The following PCDHA9 variants were observed in gnomAD, a reference collection of about 807,000 sequenced individuals.
The protein encoded by PCDHA9 is protocadherin alpha 9, also known as protocadherin alpha-9.
Under a neutral mutation model 62.0 loss-of-function variants are expected in PCDHA9, and 62 were observed. The ratio of observed to expected loss-of-function variants is 1.00; its 90% CI spans 0.81 to 1.23. The LOEUF is 1.23. Ranked by LOEUF, PCDHA9 falls within the 50% of genes most tolerant of loss-of-function variation. PCDHA9 has a pLI of 0.00. For synonymous variants in PCDHA9, 557 were observed against 567.6 expected (o/e 0.98, Z 0.27); for missense variants, 1,205 against 1,249.8 (o/e 0.96, Z 0.54).
intron 1 of PCDHA9, among the ~76,000 whole-genome samples, chr5:140,946,338 A>T (rs1042874038): frequency 6.6e-6 from 1 of 151,824 alleles, no homozygotes; most frequent in Non-Finnish European, 1.5e-5. Flanking sequence ...ATAACAAGTG[A>T]TGGAGAGGAT....
intron 1 of PCDHA9, chr5:140,869,097 G>A (rs1344358126): frequency 2.5e-6 from 4 of 1,595,318 alleles, no homozygotes; most frequent in Non-Finnish European, 2.6e-6. Flanking sequence ...AGCCAATTTC[G>A]TATGCGATGT....
At chr5:140,870,001 G>T in intron 1 of PCDHA9, 34 of 1,613,566 alleles carry the variant, frequency 2.1e-5, no homozygotes, top group Non-Finnish European at 2.9e-5. Context: ...AAATAATGGA[G>T]AAGTGAGGGT....
At chr5:140,907,500 G>T (rs2073413620) in intron 1 of PCDHA9, among the ~76,000 whole-genome samples, 1 of 152,228 alleles carries the variant, frequency 6.6e-6, no homozygotes, top group Non-Finnish European at 1.5e-5. Flanking sequence ...TCCAGAGTAA[G>T]TGTCTATTCC....
chr5:141,003,623 G>C (rs572368614), intron 3 of PCDHA9, among the ~76,000 whole-genome samples: 1 of 152,240 alleles, frequency 6.6e-6, no homozygotes, highest in East Asian at 1.9e-4. Flanking sequence ...CCAGAGGGCA[G>C]TTTTTAAAGT....
intron 1 of PCDHA9, chr5:140,857,587 C>T: frequency 1.3e-6 from 2 of 1,596,526 alleles, no homozygotes; most frequent in South Asian, 2.2e-5. Context: ...ACGCGGAGAG[C>T]GGCAAGGTGT....
rs1554145030 is a variant in PCDHA9 at position 140,850,906 on chromosome 5, T to C, written c.2394+17T>C. On this transcript the variant is annotated intron_variant, in intron 1 of 3. Transcript: ENST00000532602. Reference sequence around the variant, plus strand: ...ACTGGGAAGGTGGGTTTTTCTAGCATTTTATTTATTTATATAATTTTTTTT... The same window carrying C: ...ACTGGGAAGGTGGGTTTTTCTAGCACTTTATTTATTTATATAATTTTTTTT... The C allele has an allele frequency of 1.3e-6, 2 of 1,550,722 alleles. 1 individual carries two copies. The highest frequency in any genetic ancestry group is 1.7e-6 in the Non-Finnish European group (2 of 1,145,138).
At chr5:140,862,566 T>G in intron 1 of PCDHA9, 4 of 478,186 alleles carry the variant, frequency 8.4e-6, no homozygotes, top group South Asian at 4.9e-5. Context: ...TGAACCACAA[T>G]GCCCTGGCGT....
In PCDHA9 at chr5:140,949,530, A is replaced by G. The variant is rs535959568; in HGVS notation, c.2395-29419A>G. Among the ~76,000 whole-genome samples, 8 of 151,972 alleles carry G rather than the reference A, an allele frequency of 5.3e-5. No homozygotes were observed. The South Asian group carries it at 1.7e-3, about 31-fold the overall frequency. On this transcript the variant is annotated intron_variant, in intron 1 of 3. Coordinates refer to ENST00000532602, the MANE Select transcript of PCDHA9 (RefSeq NM_031857.2). ...GATTTATTGATCCTTTTATCTTCATAAAATATCGATTTGTTGCTGGTCATA... is the reference window on the plus strand; with the variant it reads ...GATTTATTGATCCTTTTATCTTCATGAAATATCGATTTGTTGCTGGTCATA...
At chr5:140,861,033 G>A (rs1443263351) in intron 1 of PCDHA9, 1 of 152,266 alleles carries the variant, frequency 6.6e-6, no homozygotes, top group Non-Finnish European at 1.5e-5. Flanking sequence ...CCGGCCGAAA[G>A]GTATTTTTTT....
At chr5:140,863,023 G>T (rs782495275) in intron 1 of PCDHA9, 12 of 553,926 alleles carry the variant, frequency 2.2e-5, no homozygotes, top group South Asian at 1.5e-4. Context: ...CCTGGTTGTC[G>T]CAACAGCTGC....
chr5:140,941,185 CTTT>C (rs782102770), intron 1 of PCDHA9, among the ~76,000 whole-genome samples: 1 of 102,176 alleles, frequency 9.8e-6, no homozygotes, highest in Admixed American at 9.9e-5. Flanking sequence ...CATCCTGCTT[CTTT>C]TTTTTTCTTT....
At chr5:140,969,775 G>A (rs879968185) in intron 1 of PCDHA9, among the ~76,000 whole-genome samples, 9 of 152,174 alleles carry the variant, frequency 5.9e-5, no homozygotes, top group Admixed American at 5.9e-4. Flanking sequence ...GCCTCTAGGG[G>A]CTATCATAGT....
At chr5:140,935,908 T>TG (rs2090628873) in intron 1 of PCDHA9, among the ~76,000 whole-genome samples, 1 of 151,636 alleles carries the variant, frequency 6.6e-6, no homozygotes, top group Non-Finnish European at 1.5e-5. Context: ...TTTTTTTTTT[T>TG]TTGAGACAGA....
At chr5:140,857,326 G>A in intron 1 of PCDHA9, 4 of 1,598,700 alleles carry the variant, frequency 2.5e-6, no homozygotes, top group Non-Finnish European at 1.7e-6. Flanking sequence ...TGGTGACCGC[G>A]CGGGACGGGG....
intron 2 of PCDHA9, among the ~76,000 whole-genome samples, chr5:140,980,561 C>T (rs1430874214): frequency 6.6e-6 from 1 of 151,974 alleles, no homozygotes; most frequent in Admixed American, 6.6e-5. Context: ...ACCCGGGAGG[C>T]GGAAGTTGCA....
chr5:140,937,326 C>T (rs1287239556), intron 1 of PCDHA9, among the ~76,000 whole-genome samples: 1 of 152,164 alleles, frequency 6.6e-6, no homozygotes, highest in South Asian at 2.1e-4. Context: ...CGTGAGCCAC[C>T]GCGCCCGGCT....
intron 3 of PCDHA9, among the ~76,000 whole-genome samples, chr5:141,001,813 G>A (rs782384459): frequency 2.6e-5 from 4 of 152,172 alleles, no homozygotes; most frequent in Non-Finnish European, 4.4e-5. Flanking sequence ...TCTACAATCG[G>A]CCAAATTCTG....
chr5:140,934,103 T>C (rs1400037088), intron 1 of PCDHA9, among the ~76,000 whole-genome samples: 1 of 152,148 alleles, frequency 6.6e-6, no homozygotes, highest in Non-Finnish European at 1.5e-5. Context: ...TGCTTTCTAT[T>C]TTATTAATTT....
At chr5:140,871,400 C>T (rs146613275) in intron 1 of PCDHA9, 4 of 1,614,128 alleles carry the variant, frequency 2.5e-6, no homozygotes, top group Non-Finnish European at 3.4e-6. Flanking sequence ...CCACCTAAGA[C>T]GGACCTCATG....
Sources: gnomAD v4.1 joint callset for allele counts (sites outside exome capture counted in the v4.1 genomes callset) on GRCh38, gnomAD v4.1.1 for gene constraint, MANE v1.5 for transcripts, NCBI Gene and HGNC (gene_info 2026-07-23, HGNC 2026-07-21) for gene names.